SIPA1L1: variants seen among roughly 807,000 people sequenced by gnomAD.
SIPA1L1 encodes signal induced proliferation associated 1 like 1.
A neutral mutation model predicts 162.7 loss-of-function variants in SIPA1L1; 26 were observed. That is an observed-to-expected ratio of 0.16 (90% CI 0.12 to 0.22). The LOEUF (loss-of-function observed/expected upper bound fraction) is 0.22. Among genes scored for constraint, SIPA1L1 ranks in the 10% least tolerant of loss-of-function variants. The pLI, the probability that SIPA1L1 is intolerant of heterozygous loss-of-function variation, is 1.00. For missense variants in SIPA1L1, 1,874 were observed against 2,241.0 expected (o/e 0.84, Z 3.31); for synonymous variants, 829 against 837.4 (o/e 0.99, Z 0.17).
chr14:71,412,857 T>C (rs1013927401), intron 2 of SIPA1L1, among the ~76,000 whole-genome samples: 1 of 152,254 alleles, frequency 6.6e-6, no homozygotes, highest in Non-Finnish European at 1.5e-5. Flanking sequence ...GTACATGTGC[T>C]GTAGATGATT....
intron 2 of SIPA1L1, among the ~76,000 whole-genome samples, chr14:71,464,179 C>T (rs963240544): frequency 3.3e-5 from 5 of 152,324 alleles, no homozygotes; most frequent in Non-Finnish European, 4.4e-5. Context: ...GACTAATCCA[C>T]TCCACCACCC....
At chr14:71,470,906 C>T (rs1280771652) in intron 2 of SIPA1L1, among the ~76,000 whole-genome samples, 1 of 152,044 alleles carries the variant, frequency 6.6e-6, no homozygotes. Flanking sequence ...GGCTTGATCA[C>T]GGCTTGCTGC....
chr14:71,673,596 T>G (rs1396141918), intron 12 of SIPA1L1, among the ~76,000 whole-genome samples: 1 of 152,176 alleles, frequency 6.6e-6, no homozygotes, highest in African/African-American at 2.4e-5. Context: ...TATATGTGTG[T>G]GTGTGTGCGT....
chr14:71,366,848 G>A (rs569527713), intron 2 of SIPA1L1, among the ~76,000 whole-genome samples: 1 of 152,264 alleles, frequency 6.6e-6, no homozygotes, highest in South Asian at 2.1e-4. Flanking sequence ...AAGGATTTTT[G>A]TAAAGTATAA....
chr14:71,584,166 A>C (rs533027455), intron 4 of SIPA1L1, among the ~76,000 whole-genome samples: 3 of 152,186 alleles, frequency 2.0e-5, no homozygotes, highest in Non-Finnish European at 2.9e-5. Context: ...GTAGTGGGCA[A>C]AAAGAGGCAA....
chr14:71,709,330 C>G lies in SIPA1L1; in HGVS notation c.3874C>G (p.Leu1292Val), dbSNP rs760516726. Residue 1292 changes from leucine (L) to valine (V), a missense_variant, in exon 17 of 24, where the codon CTC (leucine) becomes GTC (valine). Leu to Val is a conservative substitution (Grantham distance 32). Coordinates refer to ENST00000381232, the MANE Select transcript of SIPA1L1 (RefSeq NM_001386936.1). Reference protein sequence around the residue: ...WYDGDRTESELNSYNYLQGTS... With the variant: ...WYDGDRTESEVNSYNYLQGTS... ...CGATGGGGACCGCACAGAATCCGAACTCAACAGCTATAACTATCTGCAAGG... is the reference window on the plus strand; with the variant it reads ...CGATGGGGACCGCACAGAATCCGAAGTCAACAGCTATAACTATCTGCAAGG... 51 of 1,614,120 alleles carry G rather than the reference C, an allele frequency of 3.2e-5. No homozygotes were observed. The highest frequency in any genetic ancestry group is 4.1e-5 in the Non-Finnish European group (48 of 1,180,056).
chr14:71,503,188 A>G (rs1227455067), intron 2 of SIPA1L1, among the ~76,000 whole-genome samples: 1 of 152,178 alleles, frequency 6.6e-6, no homozygotes, highest in Non-Finnish European at 1.5e-5. Context: ...TCTTATATCT[A>G]ATAGTATAGC....
chr14:71,437,370 A>T (rs1312055883), intron 2 of SIPA1L1, among the ~76,000 whole-genome samples: 3 of 151,678 alleles, frequency 2.0e-5, no homozygotes, highest in Non-Finnish European at 4.4e-5. Context: ...TATATTTTAC[A>T]AATTTATTTT....
intron 2 of SIPA1L1, among the ~76,000 whole-genome samples, chr14:71,332,456 TATAG>T (rs1427509639): frequency 6.6e-6 from 1 of 152,096 alleles, no homozygotes; most frequent in Non-Finnish European, 1.5e-5. Context: ...TATTTATATA[TATAG>T]AGAGAAATAA....
At chr14:71,651,178 T>C (rs1441088762) in intron 8 of SIPA1L1, among the ~76,000 whole-genome samples, 1 of 152,238 alleles carries the variant, frequency 6.6e-6, no homozygotes, top group Non-Finnish European at 1.5e-5. Flanking sequence ...CTATTTTGGT[T>C]AGCTGGGACT....
At chr14:71,384,239 T>C (rs868737003) in intron 2 of SIPA1L1, among the ~76,000 whole-genome samples, 2 of 152,228 alleles carry the variant, frequency 1.3e-5, no homozygotes, top group Non-Finnish European at 1.5e-5. Flanking sequence ...CTTTTTTCTT[T>C]GCTTTCTTTC....
intron 2 of SIPA1L1, among the ~76,000 whole-genome samples, chr14:71,482,895 G>C (rs2048458906): frequency 6.6e-6 from 1 of 152,184 alleles, no homozygotes. Flanking sequence ...TTTGTGCCTA[G>C]ATGTTCATGT....
At chr14:71,352,454 A>C (rs75368198) in intron 2 of SIPA1L1, among the ~76,000 whole-genome samples, 1 of 152,194 alleles carries the variant, frequency 6.6e-6, no homozygotes. Flanking sequence ...ACCATAGGTT[A>C]CTGTTGCTGG....
At chr14:71,602,170 A>G (rs548649968) in intron 5 of SIPA1L1, among the ~76,000 whole-genome samples, 38 of 152,028 alleles carry the variant, frequency 2.5e-4, no homozygotes, top group Admixed American at 8.5e-4. Context: ...CTTATTTGAA[A>G]TCTTTATTTT....
At chr14:71,450,060 A>C (rs2045698762) in intron 2 of SIPA1L1, among the ~76,000 whole-genome samples, 1 of 152,212 alleles carries the variant, frequency 6.6e-6, no homozygotes, top group Non-Finnish European at 1.5e-5. Context: ...AAAACTTAAA[A>C]AATAAAAATT....
intron 2 of SIPA1L1, among the ~76,000 whole-genome samples, chr14:71,431,285 G>A (rs908687290): frequency 4.6e-5 from 7 of 152,092 alleles, no homozygotes; most frequent in Non-Finnish European, 1.0e-4. Flanking sequence ...TTCCCCTACT[G>A]TGCTTTCTTC....
rs564535951 is a variant in SIPA1L1 at position 71,628,527 on chromosome 14, G to A, written c.1818+4291G>A. Reference sequence around the variant, plus strand: ...TATGCTCACTTTCACAAGTAAGCAGGACTGTTTCAAATCCAATAAATGCTT... The same window carrying A: ...TATGCTCACTTTCACAAGTAAGCAGAACTGTTTCAAATCCAATAAATGCTT... On this transcript the variant is annotated intron_variant, in intron 7 of 23. Coordinates refer to ENST00000381232, the MANE Select transcript of SIPA1L1 (RefSeq NM_001386936.1). Among the ~76,000 whole-genome samples, 28 of 152,310 alleles carry A rather than the reference G, an allele frequency of 1.8e-4. 1 individual carries two copies. In the South Asian group the frequency reaches 5.8e-3, roughly 32 times the overall value.
intron 15 of SIPA1L1, 181 bp from the exon 16 acceptor site, chr14:71,705,041 C>T (rs1277297765): frequency 1.3e-5 from 8 of 617,866 alleles, no homozygotes; most frequent in Non-Finnish European, 2.0e-5. Context: ...AAGCTTTATC[C>T]ATCAGCCACT....
intron 4 of SIPA1L1, among the ~76,000 whole-genome samples, chr14:71,539,203 T>A (rs772558456): frequency 7.9e-5 from 12 of 152,178 alleles, no homozygotes; most frequent in Non-Finnish European, 1.5e-4. Context: ...TGGCCCGTTT[T>A]CCAAAATGAG....
Sources: allele counts gnomAD v4.1 joint callset (sites outside exome capture counted in the v4.1 genomes callset), GRCh38; gene constraint gnomAD v4.1.1; transcripts MANE v1.5; gene names NCBI Gene and HGNC (gene_info 2026-07-23, HGNC 2026-07-21).